SH3BP4: variants seen among roughly 807,000 people sequenced by gnomAD.
SH3BP4 encodes SH3 domain-binding protein 4.
A neutral mutation model predicts 65.5 loss-of-function variants in SH3BP4; 33 were observed. The ratio of observed to expected loss-of-function variants is 0.50; its 90% CI spans 0.38 to 0.67. The LOEUF (loss-of-function observed/expected upper bound fraction) is 0.67, where lower values mean the gene tolerates loss of function less well. Ranked by LOEUF, SH3BP4 falls within the 30% of genes least tolerant of loss-of-function variation. The pLI, the probability that SH3BP4 is intolerant of heterozygous loss-of-function variation, is 0.00. For synonymous variants in SH3BP4, 552 were observed against 545.5 expected (o/e 1.01, Z -0.17); for missense variants, 1,134 against 1,261.4 (o/e 0.90, Z 1.53).
At chr2:235,003,599 A>G (rs1320842822) in intron 2 of SH3BP4, among the ~76,000 whole-genome samples, 2 of 152,172 alleles carry the variant, frequency 1.3e-5, no homozygotes, top group Non-Finnish European at 2.9e-5. Context: ...TTGGTGAGGA[A>G]CAGTTGCATG....
Position 235,042,812 on chromosome 2 carries a change from C to T in SH3BP4, c.2043C>T (p.Asp681=), listed in dbSNP as rs774364587. 2.5e-6 allele frequency: 4 copies of T among 1,614,022 alleles called. No homozygotes were observed. The highest frequency in any genetic ancestry group is 2.2e-5 in the East Asian group (1 of 44,866). The change falls in exon 4 of 6, where the codon GAC becomes GAT. Residue 681 remains aspartate, a synonymous_variant. Transcript: ENST00000392011. This position sits in a 1 kb window ranked among gnomAD's most constrained non-coding sequence, Gnocchi z 7.3. ...ACCTGCTGGAGTACAAGAAGGGCGA[C>T]GGGATCGCCCTGCTCAGCGAGGAGC... ...NHYLLEYKKG[D]GIALLSEERV...
intron 2 of SH3BP4, among the ~76,000 whole-genome samples, chr2:235,005,575 CT>C (rs1694268224): frequency 6.6e-6 from 1 of 152,110 alleles, no homozygotes; most frequent in Non-Finnish European, 1.5e-5. Context: ...AAATCTTCCC[CT>C]GACACCTTGA....
intron 2 of SH3BP4, among the ~76,000 whole-genome samples, chr2:235,007,705 C>G (rs575180525): frequency 6.6e-6 from 1 of 152,220 alleles, no homozygotes; most frequent in Admixed American, 6.5e-5. Flanking sequence ...AGAGACCAGG[C>G]GTGCAGTGCT....
chr2:235,005,057 G>A lies in SH3BP4; in HGVS notation c.-133+9681G>A, dbSNP rs543211562. 1.6e-4 allele frequency among the ~76,000 whole-genome samples: 24 copies of A among 152,340 alleles called. No individual in the cohort carries two copies. In the South Asian group the frequency reaches 4.8e-3, roughly 30 times the overall value. ...TAAAGGCCTGTGTTAGGTGCCATCC[G>A]CCTGCAGATCCCCCTGGGTGTTAAC... On this transcript the variant is annotated intron_variant, in intron 2 of 5. Transcript: ENST00000392011.
At chr2:235,025,694 C>T (rs6431329) in intron 2 of SH3BP4, among the ~76,000 whole-genome samples, 71,824 of 152,096 alleles carry the variant, frequency 0.47, 18,903 homozygotes, top group East Asian at 0.73. Flanking sequence ...ATAACAAGCA[C>T]GATGAACAGT....
At chr2:234,955,250 G>A (rs1692559784) in intron 1 of SH3BP4, among the ~76,000 whole-genome samples, 2 of 152,276 alleles carry the variant, frequency 1.3e-5, no homozygotes, top group Middle Eastern at 3.4e-3. Context: ...CTGGCCAGGA[G>A]CGAGCCTCAG....
chr2:235,023,294 C>T (rs898167346), intron 2 of SH3BP4, among the ~76,000 whole-genome samples: 2 of 152,180 alleles, frequency 1.3e-5, no homozygotes, highest in African/African-American at 4.8e-5. Context: ...CACCTATACT[C>T]TCAGCACTTT....
intron 2 of SH3BP4, among the ~76,000 whole-genome samples, chr2:235,009,897 A>C (rs1574816277): frequency 6.7e-6 from 1 of 149,936 alleles, no homozygotes; most frequent in African/African-American, 2.5e-5. Context: ...CCTCCATGTC[A>C]CCCCCAGGAC....
chr2:235,000,677 T>C (rs1360015515), intron 2 of SH3BP4, among the ~76,000 whole-genome samples: 2 of 152,204 alleles, frequency 1.3e-5, no homozygotes, highest in Admixed American at 6.5e-5. Context: ...CTGAATCTCC[T>C]TTCCACTCTG....
chr2:235,038,341 A>AT (rs1695490896), intron 3 of SH3BP4, among the ~76,000 whole-genome samples: 1 of 17,016 alleles, frequency 5.9e-5, no homozygotes, highest in African/African-American at 3.9e-4. Context: ...TATATATAGT[A>AT]TATATATTTT....
intron 1 of SH3BP4, among the ~76,000 whole-genome samples, chr2:234,985,671 T>C (rs1389431501): frequency 6.6e-6 from 1 of 152,234 alleles, no homozygotes; most frequent in African/African-American, 2.4e-5. Flanking sequence ...GTTTGTAGCA[T>C]CCTCCCTTGA....
chr2:234,966,005 G>C (rs1434124943), intron 1 of SH3BP4, among the ~76,000 whole-genome samples: 1 of 152,194 alleles, frequency 6.6e-6, no homozygotes, highest in African/African-American at 2.4e-5. Context: ...GGCCTGGCGA[G>C]GTTGAGGATG....
intron 1 of SH3BP4, among the ~76,000 whole-genome samples, chr2:234,990,367 A>C (rs1448962833): frequency 6.6e-6 from 1 of 152,192 alleles, no homozygotes; most frequent in African/African-American, 2.4e-5. Flanking sequence ...GAGGCTTAAA[A>C]AATCTAAGAA....
rs892229996 is a variant in SH3BP4, at chr2:234,977,398, G to T, written c.-206-17905G>T. On this transcript the variant is annotated intron_variant, in intron 1 of 5. Transcript: ENST00000392011. The surrounding 1 kb of genome is among the most constrained non-coding windows in gnomAD (Gnocchi z 5.1). ...CCTTTGTTCTCTCCAGCCCAGACGT[G>T]TAGAGGTGAGCCACCCTCCTGGCCA... is the stretch of plus-strand genomic sequence containing the variant. Among the ~76,000 whole-genome samples, 2 of 152,218 alleles carry T rather than the reference G, an allele frequency of 1.3e-5. No individual in the cohort carries two copies. Among genetic ancestry groups the T allele is most frequent in the African/African-American group, 2.4e-5 (1 of 41,450 alleles).
intron 3 of SH3BP4, among the ~76,000 whole-genome samples, chr2:235,039,354 G>A (rs1695560283): frequency 6.6e-6 from 1 of 152,112 alleles, no homozygotes; most frequent in African/African-American, 2.4e-5. Context: ...ACTGGCAGGT[G>A]ATTTTCTGGG....
rs1182980683 is a variant in SH3BP4, at chr2:235,035,164, G to T, written c.118+44G>T. ...GGACTGTGGCTAAGGGAGAACGTTG[G>T]GATTTTCAAGTTGGGATCCAAGAAC... On this transcript the variant is annotated intron_variant, in intron 3 of 5. Transcript: ENST00000392011. The surrounding 1 kb of genome is among the most constrained non-coding windows in gnomAD (Gnocchi z 5.0). The T allele has an allele frequency of 6.9e-7, 1 of 1,441,410 alleles. No individual in the cohort carries two copies. Among genetic ancestry groups the T allele is most frequent in the Non-Finnish European group, 9.8e-7 (1 of 1,025,412 alleles). The allele number at this position is 1,441,410 out of a possible 1,614,324, so 89.3% of individuals were successfully genotyped here.
chr2:234,985,615 C>T (rs1201881605), intron 1 of SH3BP4, among the ~76,000 whole-genome samples: 4 of 152,058 alleles, frequency 2.6e-5, no homozygotes, highest in African/African-American at 7.2e-5. Flanking sequence ...TGACCCTCTG[C>T]GCACAGATAT....
intron 1 of SH3BP4, among the ~76,000 whole-genome samples, chr2:234,972,373 T>C (rs776121895): frequency 4.6e-5 from 7 of 152,096 alleles, no homozygotes; most frequent in Non-Finnish European, 8.8e-5. Context: ...CCTCAGGTAA[T>C]CCACCTGCCT....
chr2:234,954,305 G>C (rs1692540197), intron 1 of SH3BP4, among the ~76,000 whole-genome samples: 1 of 152,086 alleles, frequency 6.6e-6, no homozygotes, highest in Non-Finnish European at 1.5e-5. Flanking sequence ...TTGTCCCCAA[G>C]CACCCATGCC....
Sources: allele counts gnomAD v4.1 joint callset (sites outside exome capture counted in the v4.1 genomes callset), GRCh38; gene constraint gnomAD v4.1.1; non-coding constraint Gnocchi (gnomAD v3.1); transcripts MANE v1.5; gene names NCBI Gene and HGNC (gene_info 2026-07-23, HGNC 2026-07-21).